Variants in RCAN1 observed in about 807,000 individuals in gnomAD.
The protein encoded by RCAN1 is calcipressin-1.
In RCAN1, 11 loss-of-function variants were observed where a neutral mutation model predicts 22.9. That is an observed-to-expected ratio of 0.48 (90% confidence interval 0.30 to 0.79). RCAN1 has a LOEUF of 0.79. Among genes scored for constraint, RCAN1 ranks in the 30% least tolerant of loss-of-function variants. RCAN1 has a pLI of 0.06. For missense variants in RCAN1, 291 were observed against 337.8 expected (o/e 0.86, Z 1.09); for synonymous variants, 136 against 142.3 (o/e 0.96, Z 0.32).
chr21:34,521,184 G>C (rs1984492439), intron 3 of RCAN1: 1 of 1,359,902 alleles, frequency 7.4e-7, no homozygotes, highest in Admixed American at 3.4e-5. Flanking sequence ...CAGAACCTGG[G>C]GCCGGGGCTC....
intron 1 of RCAN1, among the ~76,000 whole-genome samples, chr21:34,596,613 C>A (rs1391041847): frequency 1.3e-5 from 2 of 152,190 alleles, no homozygotes; most frequent in South Asian, 4.1e-4. Flanking sequence ...ACAGGAGCAA[C>A]CCCCGCTGCC....
chr21:34,533,009 G>A (rs1422229575), intron 1 of RCAN1, among the ~76,000 whole-genome samples: 2 of 149,422 alleles, frequency 1.3e-5, no homozygotes, highest in Admixed American at 6.7e-5. Context: ...CGCCCAGGCT[G>A]GAGTGCAGTG....
chr21:34,556,545 T>A (rs779219516), intron 1 of RCAN1, among the ~76,000 whole-genome samples: 11 of 152,074 alleles, frequency 7.2e-5, no homozygotes, highest in Non-Finnish European at 1.6e-4. Flanking sequence ...GTACAATTCA[T>A]ACAAGTTGAA....
At chr21:34,591,606 TGAGTGCAACTATTTTAAGACTA>T (rs1987976141) in intron 1 of RCAN1, among the ~76,000 whole-genome samples, 1 of 152,214 alleles carries the variant, frequency 6.6e-6, no homozygotes, top group Admixed American at 6.5e-5. Context: ...AGCTGAGCTT[TGAGTGCAACTATTTTAAGACTA>T]AATAGAGCTC....
chr21:34,567,520 AC>A (rs1214331097), intron 1 of RCAN1, among the ~76,000 whole-genome samples: 1 of 148,734 alleles, frequency 6.7e-6, no homozygotes, highest in Non-Finnish European at 1.5e-5. Context: ...AAGCCACTGC[AC>A]CCCAGCCTGG....
chr21:34,520,521 A>C (rs1158975452), intron 3 of RCAN1, among the ~76,000 whole-genome samples: 1 of 152,220 alleles, frequency 6.6e-6, no homozygotes, highest in African/African-American at 2.4e-5. Context: ...TCAGAAATGT[A>C]ATCTTTTCAA....
intron 1 of RCAN1, among the ~76,000 whole-genome samples, chr21:34,571,130 C>T (rs1302193401): frequency 6.6e-6 from 1 of 152,168 alleles, no homozygotes; most frequent in Non-Finnish European, 1.5e-5. Context: ...CTCATCTCTA[C>T]TAAAAATACA....
intron 3 of RCAN1, among the ~76,000 whole-genome samples, chr21:34,519,781 C>T (rs1984363369): frequency 6.6e-6 from 1 of 152,142 alleles, no homozygotes; most frequent in Admixed American, 6.5e-5. Flanking sequence ...AAGAGCGGCC[C>T]AGGAGAGCTT....
intron 1 of RCAN1, among the ~76,000 whole-genome samples, chr21:34,549,804 TCATC>T (rs901292881): frequency 1.3e-5 from 2 of 152,016 alleles, no homozygotes; most frequent in Admixed American, 6.6e-5. Flanking sequence ...TGTCCATCCA[TCATC>T]CATCCATCCA....
intron 1 of RCAN1, chr21:34,560,157 G>T (rs1986735778): frequency 6.6e-6 from 1 of 152,210 alleles, no homozygotes; most frequent in African/African-American, 2.4e-5. Flanking sequence ...GCCTAAGCGA[G>T]CAAAAGAGGA....
chr21:34,526,420 G>A (rs909830198), intron 1 of RCAN1, among the ~76,000 whole-genome samples: 1 of 152,134 alleles, frequency 6.6e-6, no homozygotes, highest in Non-Finnish European at 1.5e-5. Context: ...CCCAACTCTC[G>A]CCTTCCTAGT....
intron 1 of RCAN1, among the ~76,000 whole-genome samples, chr21:34,586,117 C>T (rs559599796): frequency 6.6e-6 from 1 of 152,182 alleles, no homozygotes; most frequent in African/African-American, 2.4e-5. Flanking sequence ...ACACTTCTCT[C>T]AGCCACTGAT....
intron 1 of RCAN1, among the ~76,000 whole-genome samples, chr21:34,605,921 GAAAAAAAAA>G: frequency 9.8e-5 from 1 of 10,156 alleles, no homozygotes; most frequent in African/African-American, 3.1e-4. Context: ...CTCGGTCTCA[GAAAAAAAAA>G]AAAAAAAAAA....
chr21:34,607,809 A>G (rs569173926), intron 1 of RCAN1, among the ~76,000 whole-genome samples: 2 of 152,346 alleles, frequency 1.3e-5, no homozygotes, highest in East Asian at 3.9e-4. Flanking sequence ...CGGACCACAG[A>G]CCAGTGCCAG....
intron 1 of RCAN1, among the ~76,000 whole-genome samples, chr21:34,547,340 C>CT (rs1259319487): frequency 2.6e-5 from 4 of 152,282 alleles, no homozygotes; most frequent in Non-Finnish European, 5.9e-5. Context: ...CCCCCTCCCT[C>CT]ACCTGCTCAC....
intron 1 of RCAN1, among the ~76,000 whole-genome samples, chr21:34,609,521 AT>A (rs934041219): frequency 6.6e-6 from 1 of 152,164 alleles, no homozygotes; most frequent in African/African-American, 2.4e-5. Flanking sequence ...AGTGGATCAC[AT>A]TTTTTTAAAA....
At chr21:34,589,711 G>A (rs189795392) in intron 1 of RCAN1, among the ~76,000 whole-genome samples, 4 of 151,780 alleles carry the variant, frequency 2.6e-5, no homozygotes, top group South Asian at 2.1e-4. Flanking sequence ...AGAACAAAAG[G>A]GGGGAGTCTG....
intron 1 of RCAN1, among the ~76,000 whole-genome samples, chr21:34,565,673 A>C (rs1986977518): frequency 6.6e-6 from 1 of 152,224 alleles, no homozygotes; most frequent in African/African-American, 2.4e-5. Flanking sequence ...GTGCCACTAC[A>C]TAGCCCCAGA....
chr21:34,537,996 T>C (rs1985750337), intron 1 of RCAN1, among the ~76,000 whole-genome samples: 1 of 152,258 alleles, frequency 6.6e-6, no homozygotes, highest in Non-Finnish European at 1.5e-5. Context: ...CGATCTTGAT[T>C]CTGCTCAAAC....
Sources: allele counts gnomAD v4.1 joint callset (sites outside exome capture counted in the v4.1 genomes callset), GRCh38; gene constraint gnomAD v4.1.1; transcripts MANE v1.5; gene names NCBI Gene and HGNC (gene_info 2026-07-23, HGNC 2026-07-21).